EPHB1: variants seen among roughly 807,000 people sequenced by gnomAD.
EPHB1 encodes the protein ephrin type-B receptor 1.
In EPHB1, 30 loss-of-function variants were observed where a neutral mutation model predicts 94.4. The observed-to-expected ratio is 0.32, with a 90% confidence interval of 0.24 to 0.43. EPHB1 has a LOEUF of 0.43. EPHB1 is among the 20% of genes least tolerant of loss of function. The pLI is 1.00. For missense variants in EPHB1, 1,055 were observed against 1,308.3 expected, an observed-to-expected ratio of 0.81 and a Z score of 2.99; for synonymous variants, 522 against 489.1, an observed-to-expected ratio of 1.07 and a Z score of -0.89.
At chr3:135,250,943 G>C (rs1435974749) in intron 15 of EPHB1, among the ~76,000 whole-genome samples, 4 of 152,128 alleles carry the variant, frequency 2.6e-5, no homozygotes, top group African/African-American at 9.7e-5. Flanking sequence ...TCCCAGGAAA[G>C]AGCAGTAGTG....
intron 3 of EPHB1, among the ~76,000 whole-genome samples, chr3:135,076,965 G>A (rs772000777): frequency 6.6e-6 from 1 of 152,108 alleles, no homozygotes; most frequent in Non-Finnish European, 1.5e-5. Flanking sequence ...GGACATTTAC[G>A]GGGTGGTAGA....
chr3:134,894,558 A>G (rs989924717), intron 1 of EPHB1, among the ~76,000 whole-genome samples: 3 of 152,194 alleles, frequency 2.0e-5, no homozygotes, highest in Non-Finnish European at 4.4e-5. Flanking sequence ...CACTGTTTAT[A>G]AAGCCCAGAT....
chr3:135,179,482 C>A (rs777679546), intron 9 of EPHB1, among the ~76,000 whole-genome samples: 1 of 152,210 alleles, frequency 6.6e-6, no homozygotes, highest in Non-Finnish European at 1.5e-5. Flanking sequence ...ATATTGATAT[C>A]TACCCTACCA....
intron 14 of EPHB1, 99 bp from the exon 15 acceptor site, chr3:135,249,237 G>GGGATTGAT (rs1413668346): frequency 4.4e-6 from 6 of 1,369,546 alleles, no homozygotes; most frequent in Non-Finnish European, 4.9e-6. Flanking sequence ...CATTCCATCA[G>GGGATTGAT]GGATGCTGCC....
At chr3:134,977,567 A>G (rs1934237351) in intron 3 of EPHB1, among the ~76,000 whole-genome samples, 1 of 152,052 alleles carries the variant, frequency 6.6e-6, no homozygotes, top group African/African-American at 2.4e-5. Flanking sequence ...TGCTGACCAC[A>G]TTCAGTCTTC....
In EPHB1 at chr3:135,226,235, C is replaced by T. The variant is rs925483044; in HGVS notation, c.2347-14913C>T. On this transcript the variant is annotated intron_variant, in intron 12 of 15. Transcript: ENST00000398015. ...CTGTGCCCTGTCTCATGGCAGTTTCCTCCCACATCCTGCTCAGTAGCTCTT... is the reference window on the plus strand; with the variant it reads ...CTGTGCCCTGTCTCATGGCAGTTTCTTCCCACATCCTGCTCAGTAGCTCTT... Among the ~76,000 whole-genome samples, 17 of 152,318 alleles carry T rather than the reference C, an allele frequency of 1.1e-4. 1 individual carries two copies. In the South Asian group the frequency reaches 1.7e-3, roughly 15 times the overall value.
intron 3 of EPHB1, among the ~76,000 whole-genome samples, chr3:135,085,848 A>G (rs1160081967): frequency 6.6e-6 from 1 of 152,168 alleles, no homozygotes; most frequent in Non-Finnish European, 1.5e-5. Context: ...GTTTGAAATG[A>G]TGGTCTTTAA....
intron 1 of EPHB1, among the ~76,000 whole-genome samples, chr3:134,817,403 G>A (rs1280562419): frequency 1.3e-5 from 2 of 152,226 alleles, no homozygotes; most frequent in East Asian, 1.9e-4. Flanking sequence ...TCTGGCCAGC[G>A]TGGCAGAGCT....
chr3:134,796,671 G>A (rs553562477), intron 1 of EPHB1, among the ~76,000 whole-genome samples: 1 of 151,944 alleles, frequency 6.6e-6, no homozygotes, highest in South Asian at 2.1e-4. Context: ...GCCTAGCAGC[G>A]GCCGCGGCAG....
intron 1 of EPHB1, among the ~76,000 whole-genome samples, chr3:134,800,090 G>A (rs948823153): frequency 3.3e-5 from 5 of 152,132 alleles, no homozygotes; most frequent in Admixed American, 3.3e-4. Context: ...CATGGGTGGT[G>A]ACAGATAGCA....
intron 1 of EPHB1, among the ~76,000 whole-genome samples, chr3:134,859,071 T>C (rs907930975): frequency 1.5e-4 from 23 of 152,232 alleles, no homozygotes; most frequent in African/African-American, 5.5e-4. Context: ...CTCCAGTTTA[T>C]AGGGCTTTTT....
chr3:134,991,168 C>G (rs181951311), intron 3 of EPHB1, among the ~76,000 whole-genome samples: 191 of 152,308 alleles, frequency 1.3e-3, no homozygotes, highest in African/African-American at 4.3e-3. Flanking sequence ...CTTGTTTGCT[C>G]TAATGTGGGC....
At chr3:134,873,482 A>T (rs1259113968) in intron 1 of EPHB1, among the ~76,000 whole-genome samples, 1 of 152,238 alleles carries the variant, frequency 6.6e-6, no homozygotes, top group Non-Finnish European at 1.5e-5. Flanking sequence ...CTTTTTACCT[A>T]GTCTGCATCT....
At chr3:134,872,844 T>G (rs1312689608) in intron 1 of EPHB1, among the ~76,000 whole-genome samples, 1 of 152,190 alleles carries the variant, frequency 6.6e-6, no homozygotes, top group African/African-American at 2.4e-5. Context: ...GAATACACCT[T>G]ATTTTTCCCG....
chr3:135,153,150 A>C (rs1324960281), intron 5 of EPHB1, among the ~76,000 whole-genome samples: 1 of 152,136 alleles, frequency 6.6e-6, no homozygotes, highest in Non-Finnish European at 1.5e-5. Flanking sequence ...TTTGAGGGCA[A>C]TCTGTTAACT....
chr3:134,962,936 A>T (rs1013682905), intron 3 of EPHB1, among the ~76,000 whole-genome samples: 1 of 152,010 alleles, frequency 6.6e-6, no homozygotes, highest in Non-Finnish European at 1.5e-5. Flanking sequence ...GCTGAAGCCC[A>T]GGTCTTGTCT....
intron 1 of EPHB1, among the ~76,000 whole-genome samples, chr3:134,850,137 C>T (rs1417419015): frequency 6.6e-6 from 1 of 152,156 alleles, no homozygotes; most frequent in African/African-American, 2.4e-5. Context: ...GGAGCGGCTT[C>T]TTTCTTCTAC....
intron 5 of EPHB1, among the ~76,000 whole-genome samples, chr3:135,151,299 G>T: frequency 6.6e-6 from 1 of 152,156 alleles, no homozygotes; most frequent in Admixed American, 6.5e-5. Flanking sequence ...TCAGGGTCCT[G>T]CCCCCTGTGG....
At chr3:134,900,434 G>A (rs1384457631) in intron 1 of EPHB1, among the ~76,000 whole-genome samples, 2 of 152,186 alleles carry the variant, frequency 1.3e-5, no homozygotes, top group Non-Finnish European at 2.9e-5. Context: ...GAATAAGACT[G>A]GTGGTGTGTG....
Sources: gnomAD v4.1 joint callset for allele counts (sites outside exome capture counted in the v4.1 genomes callset) on GRCh38, gnomAD v4.1.1 for gene constraint, MANE v1.5 for transcripts, NCBI Gene and HGNC (gene_info 2026-07-23, HGNC 2026-07-21) for gene names.